NDST1: variants seen among roughly 807,000 people sequenced by gnomAD.
NDST1 encodes the protein N-deacetylase and N-sulfotransferase 1, also known as bifunctional heparan sulfate N-deacetylase/N-sulfotransferase 1.
A neutral mutation model predicts 92.8 loss-of-function variants in NDST1; 35 were observed. That is an observed-to-expected ratio of 0.38 (90% CI 0.29 to 0.50). The LOEUF is 0.50. Among genes scored for constraint, NDST1 ranks in the 20% least tolerant of loss-of-function variants. The probability of loss-of-function intolerance (pLI) is 0.94; values close to 1 mark genes in which losing one functional copy is unlikely to be tolerated. For missense variants in NDST1, 822 were observed against 1,182.7 expected, an observed-to-expected ratio of 0.69 and a Z score of 4.47; for synonymous variants, 493 against 500.3, an observed-to-expected ratio of 0.99 and a Z score of 0.19.
Position 150,551,850 on chromosome 5 carries a change from T to A in NDST1, c.2524T>A (p.Leu842Met). ...SKGRKYPEMD[L>M]DSRAFLKDYY... Reference sequence around the variant, plus strand: ...GGGCCGGAAATATCCCGAGATGGACTTGGATGTAAGTGGTGGACACACTAC... The same window carrying A: ...GGGCCGGAAATATCCCGAGATGGACATGGATGTAAGTGGTGGACACACTAC... The change falls in exon 14 of 15, where the codon TTG becomes ATG. Residue 842 changes from leucine to methionine, a missense_variant. By Grantham distance (15) the Leu-to-Met change is conservative. Transcript: ENST00000261797. 9.3e-6 allele frequency: 15 copies of A among 1,613,108 alleles called. No individual in the cohort carries two copies. The highest frequency in any genetic ancestry group is 1.3e-5 in the Non-Finnish European group (15 of 1,179,224).
chr5:150,503,343 G>A (rs1169227362), upstream of NDST1, among the ~76,000 whole-genome samples: 7 of 152,196 alleles, frequency 4.6e-5, no homozygotes, highest in African/African-American at 1.7e-4. Flanking sequence ...TCAGGAGGCT[G>A]GGGCAGGAGA....
chr5:150,520,843 C>T (rs1271555452), intron 1 of NDST1, 25 bp from the exon 2 acceptor site: 5 of 425,864 alleles, frequency 1.2e-5, no homozygotes, highest in Non-Finnish European at 1.7e-5. Flanking sequence ...CACTCTGACG[C>T]TCCTGTTCTC....
intron 1 of NDST1, among the ~76,000 whole-genome samples, chr5:150,513,127 T>C (rs1753797667): frequency 6.6e-6 from 1 of 151,598 alleles, no homozygotes; most frequent in Non-Finnish European, 1.5e-5. Context: ...GCGTGGGAAG[T>C]TGAGGCTGCA....
intron 13 of NDST1, among the ~76,000 whole-genome samples, chr5:150,550,137 G>A: frequency 6.9e-6 from 1 of 144,202 alleles, no homozygotes; most frequent in East Asian, 2.0e-4. Context: ...GGGTCACTCT[G>A]TTGCCCAGGC....
intron 12 of NDST1, among the ~76,000 whole-genome samples, chr5:150,549,092 A>G (rs1343710114): frequency 1.3e-5 from 2 of 152,064 alleles, no homozygotes; most frequent in Admixed American, 6.5e-5. Context: ...GCTCACTGCA[A>G]CCTCTGCCTC....
intron 1 of NDST1, among the ~76,000 whole-genome samples, chr5:150,501,998 G>T (rs1022768168): frequency 1.3e-5 from 2 of 152,184 alleles, no homozygotes; most frequent in South Asian, 4.1e-4. Context: ...GGCATGGGTG[G>T]CCAGAGGCAG....
At chr5:150,517,186 C>T (rs1190101039) in intron 1 of NDST1, among the ~76,000 whole-genome samples, 2 of 152,050 alleles carry the variant, frequency 1.3e-5, no homozygotes, top group African/African-American at 4.8e-5. Flanking sequence ...GGGTCTCGCT[C>T]TGTCGCTCAG....
At chr5:150,542,997 G>C in intron 10 of NDST1, 26 bp downstream of exon 10, 1 of 1,613,346 alleles carries the variant, frequency 6.2e-7, no homozygotes, top group Non-Finnish European at 8.5e-7. Flanking sequence ...TGTCCACAGC[G>C]GGACGGGAAG....
rs141501961 is a variant in NDST1, at chr5:150,501,979, G to T, written c.-388+3740G>T. Among the ~76,000 whole-genome samples, 831 of 152,316 alleles carry T rather than the reference G, an allele frequency of 5.5e-3. 15 individuals carry two copies. Among genetic ancestry groups the T allele is most frequent in the African/African-American group, 0.019 (799 of 41,562 alleles). On this transcript the variant is annotated intron_variant, in intron 1 of 1. Transcript: ENST00000518299. Reference sequence around the variant, plus strand: ...AGGGAGCTGCAGGGCAAAGGCGCTGGAACTGGAGGGCATGGGTGGCCAGAG... The same window carrying T: ...AGGGAGCTGCAGGGCAAAGGCGCTGTAACTGGAGGGCATGGGTGGCCAGAG...
At chr5:150,502,050 G>A (rs1753255404) in intron 1 of NDST1, among the ~76,000 whole-genome samples, 2 of 152,208 alleles carry the variant, frequency 1.3e-5, no homozygotes, top group Admixed American at 1.3e-4. Context: ...GGGGCCAGAG[G>A]GCATGTGGAG....
At chr5:150,547,732 C>T (rs1210936719) in intron 11 of NDST1, among the ~76,000 whole-genome samples, 1 of 152,188 alleles carries the variant, frequency 6.6e-6, no homozygotes, top group African/African-American at 2.4e-5. Flanking sequence ...CTATATATGA[C>T]AACAGTGCAG....
chr5:150,512,264 G>A (rs1049373364), intron 1 of NDST1, among the ~76,000 whole-genome samples: 1 of 152,168 alleles, frequency 6.6e-6, no homozygotes, highest in African/African-American at 2.4e-5. Context: ...GGGGCAGGGA[G>A]CAGTGTGTGG....
At chr5:150,544,278 A>G (rs1240540140) in intron 10 of NDST1, among the ~76,000 whole-genome samples, 2 of 152,230 alleles carry the variant, frequency 1.3e-5, no homozygotes, top group Non-Finnish European at 2.9e-5. Context: ...GTATGTGAAT[A>G]TTTACACTAA....
chr5:150,510,450 G>A (rs115553328), intron 1 of NDST1, among the ~76,000 whole-genome samples: 93 of 152,360 alleles, frequency 6.1e-4, no homozygotes, highest in African/African-American at 2.2e-3. Context: ...ATAACATTCT[G>A]TGTGATGGAC....
intron 6 of NDST1, among the ~76,000 whole-genome samples, chr5:150,536,375 G>A (rs903743197): frequency 6.6e-6 from 1 of 151,894 alleles, no homozygotes; most frequent in African/African-American, 2.4e-5. Flanking sequence ...GTGTGGTGGT[G>A]CATGCCTGTA....
intron 3 of NDST1, among the ~76,000 whole-genome samples, chr5:150,531,303 C>T (rs1754719490): frequency 6.6e-6 from 1 of 152,076 alleles, no homozygotes; most frequent in South Asian, 2.1e-4. Flanking sequence ...TCCCATTTAA[C>T]AGAGGTGGGC....
chr5:150,532,232 G>A (rs959418439), intron 3 of NDST1, among the ~76,000 whole-genome samples: 3 of 152,158 alleles, frequency 2.0e-5, no homozygotes, highest in East Asian at 1.9e-4. Flanking sequence ...TTAGCCTCCC[G>A]AATAGCTGGC....
chr5:150,542,620 G>A (rs1165781721), intron 9 of NDST1, among the ~76,000 whole-genome samples: 4 of 152,356 alleles, frequency 2.6e-5, no homozygotes, highest in African/African-American at 4.8e-5. Context: ...ATAGATTAGC[G>A]ATGTCCGTAG....
intron 2 of NDST1, among the ~76,000 whole-genome samples, chr5:150,522,663 G>A (rs1441440191): frequency 6.6e-6 from 1 of 152,176 alleles, no homozygotes; most frequent in African/African-American, 2.4e-5. Flanking sequence ...TCATGGAGCT[G>A]GCATTTCAGT....
Sources: allele counts gnomAD v4.1 joint callset (sites outside exome capture counted in the v4.1 genomes callset), GRCh38; gene constraint gnomAD v4.1.1; transcripts MANE v1.5; gene names NCBI Gene and HGNC (gene_info 2026-07-23, HGNC 2026-07-21).